MEGF6: variants seen among roughly 807,000 people sequenced by gnomAD.
The protein encoded by MEGF6 is multiple EGF like domains 6, also known as multiple epidermal growth factor-like domains protein 6.
MEGF6 carries 184 observed loss-of-function variants against 207.1 expected under a neutral mutation model. That is an observed-to-expected ratio of 0.89 (90% CI 0.79 to 1.00). The LOEUF is 1.00. Ranked by LOEUF, MEGF6 falls within the 50% of genes least tolerant of loss-of-function variation. The pLI is 0.00. For synonymous variants in MEGF6, 1,038 were observed against 910.0 expected, an observed-to-expected ratio of 1.14 and a Z score of -2.53; for missense variants, 2,282 against 2,202.9, an observed-to-expected ratio of 1.04 and a Z score of -0.72.
intron 4 of MEGF6, among the ~76,000 whole-genome samples, chr1:3,529,763 G>A (rs1013817936): frequency 3.9e-5 from 6 of 152,374 alleles, no homozygotes; most frequent in African/African-American, 1.4e-4. Context: ...GACTACACAG[G>A]CAGGTGGACA....
chr1:3,598,208 C>T lies in MEGF6; in HGVS notation c.267-2761G>A, dbSNP rs537224609. Among the ~76,000 whole-genome samples the T allele has an allele frequency of 3.3e-5, 5 of 152,246 alleles. No homozygotes were observed. The East Asian group carries it at 7.7e-4, about 24-fold the overall frequency. The stretch of plus-strand genomic sequence containing the variant: ...GGAGTGGCCAAGGCAGCCGGGCTGC[C>T]GTCTCTGGGTAACAAAACACCCCCA... On this transcript the variant is annotated intron_variant, in intron 2 of 36. Coordinates refer to ENST00000356575, the MANE Select transcript of MEGF6 (RefSeq NM_001409.4).
intron 5 of MEGF6, among the ~76,000 whole-genome samples, chr1:3,518,741 GTTTC>G (rs1641635134): frequency 6.6e-6 from 1 of 152,236 alleles, no homozygotes; most frequent in African/African-American, 2.4e-5. Context: ...GATAGGGATG[GTTTC>G]TAGATCTTGA....
chr1:3,543,232 G>C (rs186923769), intron 4 of MEGF6, among the ~76,000 whole-genome samples: 1 of 152,196 alleles, frequency 6.6e-6, no homozygotes, highest in African/African-American at 2.4e-5. Flanking sequence ...TGATGGGGCC[G>C]AGTCATCACT....
intron 3 of MEGF6, among the ~76,000 whole-genome samples, chr1:3,590,869 T>G (rs1643965112): frequency 6.6e-6 from 1 of 152,032 alleles, no homozygotes; most frequent in African/African-American, 2.4e-5. Flanking sequence ...AGGGGCCGTG[T>G]AAAGAGCGAG....
intron 4 of MEGF6, among the ~76,000 whole-genome samples, chr1:3,539,437 C>T (rs1642432949): frequency 6.6e-6 from 1 of 152,112 alleles, no homozygotes; most frequent in Admixed American, 6.5e-5. Flanking sequence ...ACGGCCCCAC[C>T]TGCACACGCC....
intron 2 of MEGF6, 108 bp downstream of exon 2, chr1:3,602,358 C>T: frequency 1.3e-6 from 2 of 1,495,940 alleles, no homozygotes; most frequent in Non-Finnish European, 1.8e-6. Context: ...TTGCGTGTGG[C>T]CCTGAGACCA....
At chr1:3,509,307 C>G in intron 11 of MEGF6, 62 bp from the exon 12 acceptor site, 1 of 1,369,570 alleles carries the variant, frequency 7.3e-7, no homozygotes, top group Non-Finnish European at 9.4e-7. Context: ...AGCGACCCCC[C>G]GGCGGGTAGG....
At chr1:3,590,572 C>T (rs1298181251) in intron 3 of MEGF6, among the ~76,000 whole-genome samples, 5 of 152,168 alleles carry the variant, frequency 3.3e-5, no homozygotes, top group African/African-American at 4.8e-5. Context: ...GTCTCACGGG[C>T]GTTAGCCTAC....
chr1:3,518,051 G>A (rs1457946382), intron 5 of MEGF6, among the ~76,000 whole-genome samples: 1 of 152,168 alleles, frequency 6.6e-6, no homozygotes. Context: ...TTTGGTCCTT[G>A]TCCACTTCCA....
In MEGF6 at chr1:3,540,910, T is replaced by C. The variant is rs1404088814; in HGVS notation, c.482-16664A>G. On this transcript the variant is annotated intron_variant, in intron 4 of 36. Transcript: ENST00000356575. ...TTCAGGTCGCGGCACCAGATGTTTG[T>C]GGAATACCCACTAAGGGCTGGGCGC... is the stretch of plus-strand genomic sequence containing the variant. Among the ~76,000 whole-genome samples the C allele has an allele frequency of 2.6e-5, 4 of 152,190 alleles. No individual in the cohort carries two copies. In the East Asian group the frequency reaches 7.7e-4, roughly 29 times the overall value.
intron 4 of MEGF6, among the ~76,000 whole-genome samples, chr1:3,541,096 C>T (rs1020259127): frequency 2.6e-5 from 4 of 152,196 alleles, no homozygotes; most frequent in Middle Eastern, 3.2e-3. Flanking sequence ...CTTCAAAGGG[C>T]TCTGGGCACC....
rs191897651 is a variant in MEGF6 at position 3,575,598 on chromosome 1, C to G, written c.481+4227G>C. ...GTTCCACGTGGCTGGGGAGGCCTCA[C>G]AATCATGGCAGAAGGCAAGGAGGAG... On this transcript the variant is annotated intron_variant, in intron 4 of 36. Coordinates refer to ENST00000356575, the MANE Select transcript of MEGF6 (RefSeq NM_001409.4). Among the ~76,000 whole-genome samples, 4 of 149,162 alleles carry G rather than the reference C, an allele frequency of 2.7e-5. No individual in the cohort carries two copies. In the East Asian group the frequency reaches 8.1e-4, roughly 30 times the overall value.
intron 5 of MEGF6, among the ~76,000 whole-genome samples, 163 bp downstream of exon 5, chr1:3,523,961 G>A (rs1280356499): frequency 6.6e-6 from 1 of 152,188 alleles, no homozygotes; most frequent in Non-Finnish European, 1.5e-5. Context: ...CAAGGTGCGG[G>A]CAGGATTCCA....
At chr1:3,603,240 C>T (rs1312879476) in intron 1 of MEGF6, among the ~76,000 whole-genome samples, 2 of 152,174 alleles carry the variant, frequency 1.3e-5, no homozygotes, top group South Asian at 2.1e-4. Context: ...GGGACAGGCA[C>T]CTTAAGCCAG....
intron 4 of MEGF6, among the ~76,000 whole-genome samples, chr1:3,551,481 C>T (rs1642882913): frequency 6.6e-6 from 1 of 152,120 alleles, no homozygotes; most frequent in Non-Finnish European, 1.5e-5. Flanking sequence ...CCCCTGGGAC[C>T]AGGCACTGGC....
At chr1:3,552,396 C>T (rs1432762979) in intron 4 of MEGF6, among the ~76,000 whole-genome samples, 4 of 152,234 alleles carry the variant, frequency 2.6e-5, no homozygotes, top group South Asian at 2.1e-4. Context: ...GCCAAGAAAG[C>T]GCTGAGGCAT....
At chr1:3,578,536 TG>T (rs60070220) in intron 4 of MEGF6, among the ~76,000 whole-genome samples, 35,561 of 138,006 alleles carry the variant, frequency 0.26, 4,751 homozygotes, top group African/African-American at 0.4. Context: ...GCAGGGGCCC[TG>T]GGGGGGGGGG....
At chr1:3,557,244 G>A (rs536890103) in intron 4 of MEGF6, among the ~76,000 whole-genome samples, 10 of 152,356 alleles carry the variant, frequency 6.6e-5, no homozygotes, top group East Asian at 1.9e-4. Flanking sequence ...TACCTTCTAC[G>A]ACTAGAGATC....
chr1:3,571,685 T>G (rs1643498223), intron 4 of MEGF6, among the ~76,000 whole-genome samples: 1 of 139,340 alleles, frequency 7.2e-6, no homozygotes, highest in Non-Finnish European at 1.5e-5. Flanking sequence ...ATATGCTGGT[T>G]CCTTCCTGGC....
Sources: gnomAD v4.1 joint callset for allele counts (sites outside exome capture counted in the v4.1 genomes callset) on GRCh38, gnomAD v4.1.1 for gene constraint, MANE v1.5 for transcripts, NCBI Gene and HGNC (gene_info 2026-07-23, HGNC 2026-07-21) for gene names.